SBF2: variants seen among roughly 807,000 people sequenced by gnomAD.
SBF2 encodes SET binding factor 2.
SBF2 carries 112 observed loss-of-function variants against 225.2 expected under a neutral mutation model. The ratio of observed to expected loss-of-function variants is 0.50; its 90% confidence interval spans 0.43 to 0.58. The LOEUF (loss-of-function observed/expected upper bound fraction) is 0.58. Among genes scored for constraint, SBF2 ranks in the 20% least tolerant of loss-of-function variants. The pLI, the probability that SBF2 is intolerant of heterozygous loss-of-function variation, is 0.00. For missense variants in SBF2, 1,996 were observed against 2,206.2 expected (o/e 0.90, Z 1.91); for synonymous variants, 763 against 773.3 (o/e 0.99, Z 0.22).
At chr11:9,866,769 A>C (rs1858256658) in intron 17 of SBF2, among the ~76,000 whole-genome samples, 1 of 152,222 alleles carries the variant, frequency 6.6e-6, no homozygotes, top group South Asian at 2.1e-4. Flanking sequence ...TAGCAAAGGA[A>C]ACAATTAGCA....
At chr11:10,173,717 C>T (rs1020261378) in intron 2 of SBF2, among the ~76,000 whole-genome samples, 1 of 151,608 alleles carries the variant, frequency 6.6e-6, no homozygotes, top group African/African-American at 2.4e-5. Context: ...AGGGCACAGA[C>T]AAACAAAAAG....
chr11:10,247,885 G>A (rs1959965675), intron 1 of SBF2, among the ~76,000 whole-genome samples: 1 of 152,052 alleles, frequency 6.6e-6, no homozygotes, highest in South Asian at 2.1e-4. Context: ...ACTTCATATT[G>A]TTCAAAGAGG....
Position 9,962,085 on chromosome 11 carries a change from C to A in SBF2, c.1732G>T (p.Ala578Ser), listed in dbSNP as rs769530676. 6.2e-7 allele frequency: 1 copy of A among 1,614,056 alleles called. No homozygotes were observed. Among genetic ancestry groups the A allele is most frequent in the Non-Finnish European group, 8.5e-7 (1 of 1,179,984 alleles). Residue 578 changes from alanine to serine, a missense_variant, in exon 16 of 40, where the codon GCC becomes TCC. Physicochemically the swap from Ala to Ser is moderately conservative, Grantham distance 99. Coordinates refer to ENST00000256190, the MANE Select transcript of SBF2 (RefSeq NM_030962.4). ...TGTCTTGCTGCCTTTCCTTTAAGGG[C>A]TCTGAGTGCAGCAGGAAGGGTCTGA... Reference protein sequence around the residue: ...TEKTLPAALRALKGKAARQCL... With the variant: ...TEKTLPAALRSLKGKAARQCL...
At chr11:9,900,052 A>AAAC (rs1554946759) in intron 16 of SBF2, among the ~76,000 whole-genome samples, 9 of 151,412 alleles carry the variant, frequency 5.9e-5, no homozygotes, top group Admixed American at 3.9e-4. Flanking sequence ...TTTAAAAAAA[A>AAAC]AAAACAGGAT....
chr11:10,162,340 G>A (rs1310733993), intron 2 of SBF2, among the ~76,000 whole-genome samples: 1 of 152,100 alleles, frequency 6.6e-6, no homozygotes, highest in Non-Finnish European at 1.5e-5. Context: ...TATCCTTGGG[G>A]CAAAGGAGTA....
intron 13 of SBF2, among the ~76,000 whole-genome samples, chr11:9,971,790 T>C (rs1946470131): frequency 6.6e-6 from 1 of 152,198 alleles, no homozygotes; most frequent in Non-Finnish European, 1.5e-5. Flanking sequence ...CATAGGGACA[T>C]ACAAAGACCA....
intron 1 of SBF2, among the ~76,000 whole-genome samples, chr11:10,197,007 A>G (rs1957401710): frequency 6.6e-6 from 1 of 151,702 alleles, no homozygotes; most frequent in African/African-American, 2.4e-5. Context: ...TACTACAATA[A>G]ACGTCTTTAT....
chr11:10,075,309 T>C (rs981923600), intron 2 of SBF2, among the ~76,000 whole-genome samples: 13 of 152,268 alleles, frequency 8.5e-5, no homozygotes, highest in African/African-American at 3.1e-4. Context: ...GCCTCAGACA[T>C]TGTAAGTGAT....
chr11:9,948,102 C>T (rs1159730099), intron 16 of SBF2, among the ~76,000 whole-genome samples: 1 of 151,578 alleles, frequency 6.6e-6, no homozygotes, highest in Non-Finnish European at 1.5e-5. Context: ...TATTATTTAG[C>T]CTTAAAAAGG....
intron 1 of SBF2, among the ~76,000 whole-genome samples, chr11:10,231,897 C>T (rs1034863138): frequency 5.3e-5 from 8 of 152,242 alleles, no homozygotes; most frequent in Non-Finnish European, 1.0e-4. Context: ...CTGTGCCTTG[C>T]CCCCAGAGGT....
intron 2 of SBF2, among the ~76,000 whole-genome samples, chr11:10,149,926 A>C (rs1955093541): frequency 6.6e-6 from 1 of 152,188 alleles, no homozygotes; most frequent in South Asian, 2.1e-4. Context: ...GAGAGTATGG[A>C]AAGTTTTGAA....
In SBF2 at chr11:10,001,010, G is replaced by A; in HGVS notation, c.765C>T (p.Ile255=). 2.6e-6 allele frequency: 4 copies of A among 1,558,022 alleles called. No homozygotes were observed. In the South Asian group the frequency reaches 3.3e-5, roughly 13 times the overall value. The part of the protein sequence containing the change: ...MFPLKYSYPY[I]PILPAQLLEV... ...CCAGTAGCTGAGCCGGGAGAATAGG[G>A]ATATAAGGATAACTGGAAATAATAA... The change falls in exon 8 of 40, where the codon ATC becomes ATT. Residue 255 remains isoleucine (I), a synonymous_variant. Transcript: ENST00000256190.
intron 2 of SBF2, among the ~76,000 whole-genome samples, chr11:10,191,237 T>C (rs1416473433): frequency 6.6e-6 from 1 of 152,128 alleles, no homozygotes; most frequent in Non-Finnish European, 1.5e-5. Context: ...CAGATCACCT[T>C]CAATTAGACT....
At position 10,247,242 on chromosome 11, in the gene SBF2, C is replaced by T. The variant is rs532793810; in HGVS notation, c.55+46773G>A. ...CCAATGTGACTCATAAACACACATG[C>T]AAAACTCCTAAAAACATTAGCAAAC... On this transcript the variant is annotated intron_variant, in intron 1 of 39. Coordinates refer to ENST00000256190, the MANE Select transcript of SBF2 (RefSeq NM_030962.4). Among the ~76,000 whole-genome samples the T allele has an allele frequency of 2.0e-5, 3 of 152,082 alleles. No individual in the cohort carries two copies. The East Asian group carries it at 5.8e-4, about 29-fold the overall frequency.
At chr11:9,871,510 T>TTG (rs1215758933) in intron 17 of SBF2, among the ~76,000 whole-genome samples, 12 of 149,260 alleles carry the variant, frequency 8.0e-5, no homozygotes, top group Non-Finnish European at 1.2e-4. Context: ...ATTATTATTT[T>TTG]GAGATGAGTC....
At chr11:10,079,202 C>A (rs117437193) in intron 2 of SBF2, among the ~76,000 whole-genome samples, 1 of 152,062 alleles carries the variant, frequency 6.6e-6, no homozygotes, top group Non-Finnish European at 1.5e-5. Context: ...AATTCTATAG[C>A]GATGGAGCCT....
intron 2 of SBF2, among the ~76,000 whole-genome samples, chr11:10,089,342 G>A (rs1951693036): frequency 6.6e-6 from 1 of 152,158 alleles, no homozygotes; most frequent in Non-Finnish European, 1.5e-5. Flanking sequence ...AAATCATTAT[G>A]CAGAGCATGA....
chr11:9,803,663 G>A (rs558780679), intron 32 of SBF2, among the ~76,000 whole-genome samples: 1 of 152,256 alleles, frequency 6.6e-6, no homozygotes, highest in East Asian at 1.9e-4. Context: ...TCTGCAAGTT[G>A]AACATAGAGA....
chr11:9,830,971 T>C (rs1855363237), intron 27 of SBF2, among the ~76,000 whole-genome samples: 2 of 152,144 alleles, frequency 1.3e-5, no homozygotes, highest in South Asian at 4.1e-4. Flanking sequence ...TTACATAACA[T>C]ATATGCTTGT....
Sources: allele counts gnomAD v4.1 joint callset (sites outside exome capture counted in the v4.1 genomes callset), GRCh38; gene constraint gnomAD v4.1.1; transcripts MANE v1.5; gene names NCBI Gene and HGNC (gene_info 2026-07-23, HGNC 2026-07-21).